Variants in IL1RAPL1 observed in about 807,000 individuals in gnomAD.
The protein encoded by IL1RAPL1 is interleukin 1 receptor accessory protein like 1, also known as interleukin-1 receptor accessory protein-like 1.
IL1RAPL1 carries 3 observed loss-of-function variants against 48.4 expected under a neutral mutation model. The ratio of observed to expected loss-of-function variants is 0.06; its 90% CI spans 0.03 to 0.16. The LOEUF (loss-of-function observed/expected upper bound fraction) is 0.16. Among genes scored for constraint, IL1RAPL1 ranks in the 10% least tolerant of loss-of-function variants. IL1RAPL1 has a pLI of 1.00. For missense variants in IL1RAPL1, 349 were observed against 530.6 expected (o/e 0.66, Z 3.36); for synonymous variants, 185 against 187.7 (o/e 0.99, Z 0.12).
intron 5 of IL1RAPL1, among the ~76,000 whole-genome samples, chrX:29,515,264 A>G (rs1935434483): frequency 8.9e-6 from 1 of 112,822 alleles, no homozygotes; most frequent in South Asian, 3.6e-4. Context: ...CAATGGAAAC[A>G]TCTTCCAAAA....
chrX:28,873,097 TTTTTTTCAC>T (rs1922248592), intron 2 of IL1RAPL1, among the ~76,000 whole-genome samples: 1 of 101,114 alleles, frequency 9.9e-6, no homozygotes, highest in Non-Finnish European at 1.9e-5. Context: ...GCCTAAGTTT[TTTTTTTCAC>T]TTTTTTTTTT....
At chrX:29,160,114 T>C (rs1214076296) in intron 2 of IL1RAPL1, among the ~76,000 whole-genome samples, 1 of 112,293 alleles carries the variant, frequency 8.9e-6, no homozygotes, top group Non-Finnish European at 1.9e-5. Flanking sequence ...GAAAAATTGC[T>C]TATTAATCTG....
intron 6 of IL1RAPL1, among the ~76,000 whole-genome samples, chrX:29,696,105 A>C (rs1926905151): frequency 9.0e-6 from 1 of 111,277 alleles, no homozygotes; most frequent in South Asian, 3.8e-4. Flanking sequence ...GTGCTTAATG[A>C]TTCTTTGTTG....
chrX:29,217,765 TCTCTCTCTCTCTCACACA>T (rs956041254), intron 2 of IL1RAPL1, among the ~76,000 whole-genome samples: 1 of 61,402 alleles, frequency 1.6e-5, no homozygotes, highest in African/African-American at 9.6e-5. Context: ...TTTCTCTCTC[TCTCTCTCTCTCTCACACA>T]CACACACACA....
intron 5 of IL1RAPL1, among the ~76,000 whole-genome samples, chrX:29,456,515 G>A (rs1458563256): frequency 6.4e-5 from 7 of 109,586 alleles, no homozygotes; most frequent in African/African-American, 2.4e-4. Flanking sequence ...AAAGAAAAAG[G>A]GAGTCATTCA....
chrX:28,629,125 G>A (rs1934372923), intron 1 of IL1RAPL1, among the ~76,000 whole-genome samples: 3 of 111,501 alleles, frequency 2.7e-5, no homozygotes, highest in Non-Finnish European at 5.6e-5. Flanking sequence ...TTGCCAATGA[G>A]ACAGAATTCT....
intron 2 of IL1RAPL1, among the ~76,000 whole-genome samples, chrX:28,847,532 C>G (rs1921542145): frequency 9.0e-6 from 1 of 111,590 alleles, no homozygotes; most frequent in African/African-American, 3.3e-5. Context: ...GCATAAACAT[C>G]TGGCTCCCCA....
At chrX:29,550,922 G>A (rs911897323) in intron 5 of IL1RAPL1, among the ~76,000 whole-genome samples, 5 of 111,843 alleles carry the variant, frequency 4.5e-5, no homozygotes, top group Non-Finnish European at 7.5e-5. Flanking sequence ...CATTACTACC[G>A]TCATATCTTC....
intron 9 of IL1RAPL1, among the ~76,000 whole-genome samples, chrX:29,952,439 T>A (rs764337373): frequency 4.4e-5 from 5 of 112,394 alleles, no homozygotes; most frequent in Non-Finnish European, 9.4e-5. Context: ...AATGTACTAT[T>A]TATTTGTCTG....
intron 1 of IL1RAPL1, among the ~76,000 whole-genome samples, chrX:28,734,333 A>T (rs1217521647): frequency 9.0e-6 from 1 of 111,247 alleles, no homozygotes; most frequent in Admixed American, 9.6e-5. Flanking sequence ...CCATGGATTT[A>T]TATAGTGGCC....
chrX:28,891,044 T>G (rs1354413615), intron 2 of IL1RAPL1, among the ~76,000 whole-genome samples: 2 of 112,079 alleles, frequency 1.8e-5, no homozygotes, highest in Non-Finnish European at 3.8e-5. Flanking sequence ...TAATGAAAAT[T>G]TATCACTATG....
At chrX:29,530,334 A>G (rs764061720) in intron 5 of IL1RAPL1, among the ~76,000 whole-genome samples, 38 of 111,641 alleles carry the variant, frequency 3.4e-4, no homozygotes, top group African/African-American at 1.2e-3. Flanking sequence ...TGTGAGAGGA[A>G]ATACCAGGAG....
At chrX:29,119,535 A>G (rs1475128529) in intron 2 of IL1RAPL1, among the ~76,000 whole-genome samples, 1 of 111,830 alleles carries the variant, frequency 8.9e-6, no homozygotes, top group Non-Finnish European at 1.9e-5. Flanking sequence ...ACAGGGCAAA[A>G]AGCTGCCCCC....
rs1186223946 is a variant in IL1RAPL1 at position 28,722,546 on chromosome X, A to G, written c.-24-66774A>G. Among the ~76,000 whole-genome samples the G allele has an allele frequency of 5.4e-5, 6 of 111,161 alleles. No individual in the cohort carries two copies. In the East Asian group the frequency reaches 1.7e-3, roughly 32 times the overall value. On this transcript the variant is annotated intron_variant, in intron 1 of 10. Transcript: ENST00000378993. ...ATCATGTCATCTGCAAACAGGGACA[A>G]TTTGACTTCCTCTTTTCCTAATTGA...
chrX:29,537,126 TGTG>T (rs754893755), intron 5 of IL1RAPL1, among the ~76,000 whole-genome samples: 4 of 111,380 alleles, frequency 3.6e-5, no homozygotes, highest in Non-Finnish European at 7.6e-5. Context: ...ATGCTAGAAA[TGTG>T]GTCAGAGACT....
At chrX:28,798,035 T>A (rs755261381) in intron 2 of IL1RAPL1, among the ~76,000 whole-genome samples, 2 of 110,953 alleles carry the variant, frequency 1.8e-5, no homozygotes, top group South Asian at 3.8e-4. Context: ...TCAGATCTCA[T>A]GTGACTCATT....
chrX:29,915,711 ATTC>A (rs1381268523), intron 6 of IL1RAPL1, among the ~76,000 whole-genome samples: 1 of 48,804 alleles, frequency 2.0e-5, no homozygotes, highest in Non-Finnish European at 3.7e-5. Flanking sequence ...CTCTGGTAAT[ATTC>A]TTTTTTTTTT....
intron 5 of IL1RAPL1, among the ~76,000 whole-genome samples, chrX:29,658,948 G>A (rs1244218767): frequency 8.9e-6 from 1 of 111,943 alleles, no homozygotes; most frequent in African/African-American, 3.2e-5. Context: ...TTTTGTACAT[G>A]TTAATCAACT....
chrX:29,894,319 C>T (rs1218581342), intron 6 of IL1RAPL1, among the ~76,000 whole-genome samples: 1 of 111,858 alleles, frequency 8.9e-6, no homozygotes, highest in African/African-American at 3.2e-5. Flanking sequence ...ATGAGATGAC[C>T]AGTGGTTTTA....
Sources: gnomAD v4.1 joint callset for allele counts (sites outside exome capture counted in the v4.1 genomes callset) on GRCh38, gnomAD v4.1.1 for gene constraint, MANE v1.5 for transcripts, NCBI Gene and HGNC (gene_info 2026-07-23, HGNC 2026-07-21) for gene names.